The following CCT6A variants were observed in gnomAD, a reference collection of about 807,000 sequenced individuals.
CCT6A encodes the protein chaperonin containing TCP1 subunit 6A, also known as T-complex protein 1 subunit zeta.
Under a neutral mutation model 58.6 loss-of-function variants are expected in CCT6A, and 6 were observed. That is an observed-to-expected ratio of 0.10 (90% CI 0.06 to 0.20). CCT6A has a LOEUF of 0.20. Among genes scored for constraint, CCT6A ranks in the 10% least tolerant of loss-of-function variants. CCT6A has a pLI of 1.00. For missense variants in CCT6A, 516 were observed against 648.8 expected, an observed-to-expected ratio of 0.80 and a Z score of 2.22; for synonymous variants, 245 against 227.8, an observed-to-expected ratio of 1.08 and a Z score of -0.68.
chr7:56,058,216 G>A (rs577890814), intron 6 of CCT6A, 113 bp downstream of exon 6: 1 of 874,642 alleles, frequency 1.1e-6, no homozygotes, highest in East Asian at 2.6e-5. Context: ...AAATTGGTTT[G>A]GGGGAGCTAT....
intron 3 of CCT6A, 21 bp downstream of exon 3, chr7:56,054,524 T>C: frequency 6.3e-7 from 1 of 1,598,258 alleles, no homozygotes. Context: ...CTCTTGTTTC[T>C]GTAATTTTTT....
Position 56,058,453 on chromosome 7 carries a change from A to G in CCT6A, c.817A>G (p.Lys273Glu). Reference sequence around the variant, plus strand: ...AAAATTCATTGAAGATAGGGTTAAAAAAATAATAGAACTGAAAAGGAAAGT... The same window carrying G: ...AAAATTCATTGAAGATAGGGTTAAAGAAATAATAGAACTGAAAAGGAAAGT... ...ERKFIEDRVK[K>E]IIELKRKVCG... Residue 273 changes from lysine (K) to glutamate (E), a missense_variant, in exon 7 of 14, where the codon AAA becomes GAA. Lys to Glu is a moderately conservative substitution (Grantham distance 56). Coordinates refer to ENST00000275603, the MANE Select transcript of CCT6A (RefSeq NM_001762.4). The G allele has an allele frequency of 6.2e-7, 1 of 1,605,806 alleles. No homozygotes were observed. The highest frequency in any genetic ancestry group is 1.1e-5 in the South Asian group (1 of 88,994).
Position 56,056,539 on chromosome 7 carries a change from A to G in CCT6A, c.614+125A>G, listed in dbSNP as rs1480566602. 30 of 627,250 alleles carry G rather than the reference A, an allele frequency of 4.8e-5. No individual in the cohort carries two copies. The South Asian group carries it at 4.8e-4, about 10-fold the overall frequency. The allele number at this position is 627,250 out of a possible 1,614,324, so 38.9% of individuals were successfully genotyped here. A position where few individuals can be genotyped will look rare whatever the true frequency, so the allele number is the denominator to read the frequency against. ...GGAGTTCCAGACCAGCCTGGCCAAC[A>G]TGGGGAAACCCCGTCTCTATTAAAA... On this transcript the variant is annotated intron_variant, in intron 5 of 13. Transcript: ENST00000275603.
rs750283975 is a variant in CCT6A at position 56,059,541 on chromosome 7, C to T, written c.969-3C>T. 5.8e-6 allele frequency: 9 copies of T among 1,565,016 alleles called. No homozygotes were observed. In the African/African-American group the frequency reaches 8.1e-5, roughly 14 times the overall value. On this transcript the variant is annotated splice_region_variant and splice_polypyrimidine_tract_variant and intron_variant, in intron 8 of 13. Transcript: ENST00000275603. ...ATCCATCTCCCTTAAAATGCTATTTCAGGCTGACTCTTGCTTGTGGTGGGG... is the reference window on the plus strand; with the variant it reads ...ATCCATCTCCCTTAAAATGCTATTTTAGGCTGACTCTTGCTTGTGGTGGGG...
At chr7:56,056,131 C>T (rs748987812) in intron 4 of CCT6A, among the ~76,000 whole-genome samples, 180 bp from the exon 5 acceptor site, 1 of 152,084 alleles carries the variant, frequency 6.6e-6, no homozygotes, top group Non-Finnish European at 1.5e-5. Flanking sequence ...ATGGAGATTT[C>T]AGAAATGTAA....
intron 5 of CCT6A, 135 bp downstream of exon 5, chr7:56,056,549 C>A: frequency 1.7e-6 from 1 of 586,092 alleles, no homozygotes; most frequent in East Asian, 3.1e-5. Flanking sequence ...ATGGGGAAAC[C>A]CCGTCTCTAT....
intron 5 of CCT6A, among the ~76,000 whole-genome samples, chr7:56,057,558 T>G (rs117086105): frequency 0.014 from 2,159 of 152,300 alleles, 23 homozygotes; most frequent in Non-Finnish European, 0.024. Flanking sequence ...CTCTGCAGAC[T>G]TTTCTGTACA....
At chr7:56,055,535 G>GA in intron 3 of CCT6A, 89 bp from the exon 4 acceptor site, 1 of 1,113,656 alleles carries the variant, frequency 9.0e-7, no homozygotes, top group South Asian at 1.4e-5. Flanking sequence ...TGATGATCCA[G>GA]AACACTCCTT....
In CCT6A at chr7:56,054,365, A is replaced by T. The variant is rs6593297; in HGVS notation, c.202-4A>T. ...TAAGTGATTCATTCTTTTTCTACTT[A>T]CAGCAAATTCAACACCCAACAGCTT... On this transcript the variant is annotated splice_polypyrimidine_tract_variant and splice_region_variant and intron_variant, in intron 2 of 13. Coordinates refer to ENST00000275603, the MANE Select transcript of CCT6A (RefSeq NM_001762.4). 0.69 allele frequency: 1,101,406 copies of T among 1,586,894 alleles called. 384,499 individuals carry two copies. The highest frequency in any genetic ancestry group is 0.71 in the Non-Finnish European group (818,949 of 1,158,660).
rs149212715 is a variant in CCT6A at position 56,063,863 on chromosome 7, ATTAT to A, written c.*783_*786del. On this transcript the variant is annotated 3_prime_UTR_variant, in exon 14 of 14. Coordinates refer to ENST00000275603, the MANE Select transcript of CCT6A (RefSeq NM_001762.4). ...CTCACCCAAATTACGTTTCCACGAG[ATTAT>A]TTATATATAGTTGGTCTATCTCTGC... 6.0e-5 allele frequency: 11 copies of A among 183,678 alleles called. No homozygotes were observed. The East Asian group carries it at 1.2e-3, about 20-fold the overall frequency. 11.4% of individuals were successfully genotyped at this position (183,678 alleles called of 1,614,324 possible).
At chr7:56,057,075 G>T (rs753342852) in intron 5 of CCT6A, among the ~76,000 whole-genome samples, 2 of 152,038 alleles carry the variant, frequency 1.3e-5, no homozygotes, top group African/African-American at 4.8e-5. Flanking sequence ...GATTACAGGC[G>T]TGAGATGGCA....
At chr7:56,054,057 CA>C (rs1236819773) in intron 2 of CCT6A, among the ~76,000 whole-genome samples, 1 of 152,154 alleles carries the variant, frequency 6.6e-6, no homozygotes, top group Non-Finnish European at 1.5e-5. Flanking sequence ...CTACACTTGC[CA>C]TAAAGAGGCA....
chr7:56,055,131 A>C (rs1004040483), intron 3 of CCT6A, among the ~76,000 whole-genome samples: 4 of 152,126 alleles, frequency 2.6e-5, no homozygotes, highest in Non-Finnish European at 5.9e-5. Flanking sequence ...AAAATTAGCC[A>C]GGCGTGGTGG....
rs1794549895 is a variant in CCT6A at position 56,063,931 on chromosome 7, T to G, written c.*846T>G. The G allele has an allele frequency of 2.8e-6, 1 of 350,934 alleles. No homozygotes were observed. Among genetic ancestry groups the G allele is most frequent in the Non-Finnish European group, 5.2e-6 (1 of 193,076 alleles). The allele number at this position is 350,934 out of a possible 1,614,324, so 21.7% of individuals were successfully genotyped here. On this transcript the variant is annotated 3_prime_UTR_variant, in exon 14 of 14. Transcript: ENST00000275603. ...GAAGTTGTGTGTTACTAGGCTGTGT[T>G]TTGGGATGTCAGCAGTGGCCTGAAG...
At chr7:56,058,212 G>GT in intron 6 of CCT6A, 109 bp downstream of exon 6, 2 of 873,600 alleles carry the variant, frequency 2.3e-6, no homozygotes, top group Non-Finnish European at 3.6e-6. Flanking sequence ...GCTCAAATTG[G>GT]TTTGGGGGAG....
intron 5 of CCT6A, 47 bp downstream of exon 5, chr7:56,056,461 A>T (rs761870846): frequency 1.1e-6 from 1 of 942,336 alleles, no homozygotes. Flanking sequence ...GGAGGCTCAC[A>T]CCTGTAATCC....
Position 56,063,364 on chromosome 7 carries a change from A to G in CCT6A, c.*279A>G. The G allele has an allele frequency of 7.1e-6, 3 of 422,480 alleles. No individual in the cohort carries two copies. The highest frequency in any genetic ancestry group is 2.9e-5 in the South Asian group (1 of 34,696). 26.2% of individuals were successfully genotyped at this position (422,480 alleles called of 1,614,324 possible). A position where few individuals can be genotyped will look rare whatever the true frequency, so the allele number is the denominator to read the frequency against. ...ATAAAATTCCATGTTAGATAAGCATATGTTACTTACCTTGTTATTAAATAT... is the reference window on the plus strand; with the variant it reads ...ATAAAATTCCATGTTAGATAAGCATGTGTTACTTACCTTGTTATTAAATAT... On this transcript the variant is annotated 3_prime_UTR_variant, in exon 14 of 14. Transcript: ENST00000275603.
Position 56,062,753 on chromosome 7 carries a change from C to T in CCT6A, c.1521C>T (p.Ser507=). Residue 507 remains serine, a splice_region_variant and synonymous_variant, in exon 13 of 14, where the codon TCC becomes TCT. Transcript: ENST00000275603. The part of the protein sequence containing the change: ...NYCVKKQLLH[S]CTVIATNILL... ...GTGTAAAGAAACAGCTTCTTCACTC[C>T]TGGTAAGTTTGGGAAAATGAAAACT... The T allele has an allele frequency of 6.2e-7, 1 of 1,605,754 alleles. No individual in the cohort carries two copies. The highest frequency in any genetic ancestry group is 8.5e-7 in the Non-Finnish European group (1 of 1,176,292).
Position 56,059,596 on chromosome 7 carries a change from C to A in CCT6A, c.1021C>A (p.Pro341Thr), listed in dbSNP as rs781624320. 6.2e-7 allele frequency: 1 copy of A among 1,606,836 alleles called. No individual in the cohort carries two copies. Among genetic ancestry groups the A allele is most frequent in the Non-Finnish European group, 8.5e-7 (1 of 1,173,486 alleles). The change falls in exon 9 of 14, where the codon CCT (proline) becomes ACT (threonine). Residue 341 changes from proline (P) to threonine (T), a missense_variant. This residue lies in a region of CCT6A where 315 missense variants were observed against 389.4 expected (regional missense o/e 0.81). Coordinates refer to ENST00000275603, the MANE Select transcript of CCT6A (RefSeq NM_001762.4). ...VALNSFDDLS[P>T]DCLGHAGLVY... Reference sequence around the variant, plus strand: ...CCTGAATTCTTTTGACGACCTAAGTCCTGACTGCTTGGGACATGCAGGACT... The same window carrying A: ...CCTGAATTCTTTTGACGACCTAAGTACTGACTGCTTGGGACATGCAGGACT...
Sources: allele counts gnomAD v4.1 joint callset (sites outside exome capture counted in the v4.1 genomes callset), GRCh38; gene constraint gnomAD v4.1.1; regional missense constraint gnomAD v4.1.1; transcripts MANE v1.5; gene names NCBI Gene and HGNC (gene_info 2026-07-23, HGNC 2026-07-21).